ABCA1: variants seen among roughly 807,000 people sequenced by gnomAD.
ABCA1 encodes the protein phospholipid-transporting ATPase ABCA1.
ABCA1 carries 133 observed loss-of-function variants against 262.5 expected under a neutral mutation model. The observed-to-expected ratio is 0.51, with a 90% CI of 0.44 to 0.59. ABCA1 has a LOEUF of 0.59. Among genes scored for constraint, ABCA1 ranks in the 20% least tolerant of loss-of-function variants. The pLI is 0.00. For synonymous variants in ABCA1, 1,022 were observed against 1,043.5 expected (o/e 0.98, Z 0.40); for missense variants, 2,452 against 2,777.5 (o/e 0.88, Z 2.63).
In ABCA1 at chr9:104,894,485, G is replaced by A. The variant is rs141361403; in HGVS notation, c.67-5290C>T. 1.4e-3 allele frequency among the ~76,000 whole-genome samples: 211 copies of A among 152,274 alleles called. 2 individuals carry two copies. The Middle Eastern group carries it at 0.02, about 15-fold the overall frequency. On this transcript the variant is annotated intron_variant, in intron 2 of 49. Coordinates refer to ENST00000374736, the MANE Select transcript of ABCA1 (RefSeq NM_005502.4). ...ATGAAAGGTCTTACTATGTACCAGG[G>A]TTGTGAGTGCTTTATACACATTAAC...
chr9:104,824,084 G>A (rs189077305), intron 18 of ABCA1, among the ~76,000 whole-genome samples: 178 of 152,286 alleles, frequency 1.2e-3, no homozygotes, highest in African/African-American at 4.2e-3. Flanking sequence ...GCCCACACAG[G>A]CTGATACACA....
chr9:104,781,840 G>T lies in ABCA1; in HGVS notation c.*2475C>A, dbSNP rs1828565578. 1 of 152,490 alleles carries T rather than the reference G, an allele frequency of 6.6e-6. No homozygotes were observed. The highest frequency in any genetic ancestry group is 1.5e-5 in the Non-Finnish European group (1 of 67,966). 9.4% of individuals were successfully genotyped at this position (152,490 alleles called of 1,614,324 possible). On this transcript the variant is annotated 3_prime_UTR_variant, in exon 50 of 50. Coordinates refer to ENST00000374736, the MANE Select transcript of ABCA1 (RefSeq NM_005502.4). ...TCCACAGGGAATATACAGAAATTTTGCTTGATTGAGTATAGAGTTGGTAAA... is the reference window on the plus strand; with the variant it reads ...TCCACAGGGAATATACAGAAATTTTTCTTGATTGAGTATAGAGTTGGTAAA...
chr9:104,926,482 A>C (rs1363253019), intron 1 of ABCA1, among the ~76,000 whole-genome samples: 3 of 149,162 alleles, frequency 2.0e-5, no homozygotes, highest in Non-Finnish European at 3.0e-5. Flanking sequence ...AAAAAAAAAA[A>C]ACAAAACGGG....
intron 5 of ABCA1, among the ~76,000 whole-genome samples, chr9:104,862,059 C>CACACACACACACACACACACAT (rs1564196491): frequency 6.7e-6 from 1 of 149,078 alleles, no homozygotes; most frequent in African/African-American, 2.5e-5. Context: ...TACACACACA[C>CACACACACACACACACACACAT]ACACACACAC....
rs1250406679 is a variant in ABCA1, at chr9:104,861,710, T to C, written c.512A>G (p.Lys171Arg). ...NLSLPKSTVD[K>R]MLRADVILHK... ...GAGAATGACATCAGCCCTCAGCATC[T>C]TGTCCACAGTAGACTTTGGGAGAGA... The change falls in exon 6 of 50, where the codon AAG (lysine) becomes AGG (arginine). Residue 171 changes from lysine (K) to arginine (R), a missense_variant. This residue lies in a region of ABCA1 where 1,032 missense variants were observed against 1,089.7 expected (regional missense o/e 0.95). Coordinates refer to ENST00000374736, the MANE Select transcript of ABCA1 (RefSeq NM_005502.4). 1 of 1,614,030 alleles carries C rather than the reference T, an allele frequency of 6.2e-7. No individual in the cohort carries two copies. Among genetic ancestry groups the C allele is most frequent in the Non-Finnish European group, 8.5e-7 (1 of 1,180,054 alleles).
intron 6 of ABCA1, among the ~76,000 whole-genome samples, chr9:104,859,789 G>A (rs1366410638): frequency 6.6e-6 from 1 of 152,176 alleles, no homozygotes; most frequent in Non-Finnish European, 1.5e-5. Context: ...AGTGGGTCAT[G>A]TCTGTAATTC....
intron 25 of ABCA1, 113 bp from the exon 26 acceptor site, chr9:104,814,588 G>T: frequency 9.3e-7 from 1 of 1,076,076 alleles, no homozygotes; most frequent in Non-Finnish European, 1.4e-6. Flanking sequence ...GACAGAGAAA[G>T]TAGAAGCCAC....
chr9:104,862,643 C>CCCCCACCCCCA (rs1836557068), intron 5 of ABCA1, among the ~76,000 whole-genome samples: 11 of 3,492 alleles, frequency 3.2e-3, no homozygotes, highest in Non-Finnish European at 6.9e-3. Flanking sequence ...CCGGGCCGGG[C>CCCCCACCCCCA]CGGGCCGGGC....
intron 13 of ABCA1, among the ~76,000 whole-genome samples, chr9:104,831,315 T>G (rs973632110): frequency 2.0e-5 from 3 of 151,858 alleles, no homozygotes; most frequent in Non-Finnish European, 2.9e-5. Flanking sequence ...CCTCCTGGGT[T>G]CAAGCAATTC....
At chr9:104,841,042 G>T (rs939087380) in intron 8 of ABCA1, among the ~76,000 whole-genome samples, 2 of 152,174 alleles carry the variant, frequency 1.3e-5, no homozygotes, top group Non-Finnish European at 1.5e-5. Flanking sequence ...TGTAGAAATT[G>T]AACAGCCCTC....
chr9:104,841,028 C>CTAGTGTAGAA (rs1454495915), intron 8 of ABCA1, among the ~76,000 whole-genome samples: 1 of 152,170 alleles, frequency 6.6e-6, no homozygotes. Context: ...TCCCCGAACT[C>CTAGTGTAGAA]TAGTGTAGAA....
chr9:104,882,455 G>A (rs1340566516), intron 5 of ABCA1, among the ~76,000 whole-genome samples: 1 of 152,198 alleles, frequency 6.6e-6, no homozygotes, highest in Non-Finnish European at 1.5e-5. Context: ...GCCTCAGTCA[G>A]AAAATGCCCA....
intron 7 of ABCA1, chr9:104,855,646 A>G: frequency 6.9e-7 from 1 of 1,456,104 alleles, no homozygotes; most frequent in Non-Finnish European, 9.1e-7. Context: ...ACCAATAATC[A>G]CAACAAAGAG....
rs150064281 is a variant in ABCA1, at chr9:104,875,407, A to G, written c.421+7632T>C. Among the ~76,000 whole-genome samples the G allele has an allele frequency of 2.2e-3, 332 of 152,006 alleles. 4 individuals are homozygous for G. Among genetic ancestry groups the G allele is most frequent in the East Asian group, 0.02 (105 of 5,154 alleles). On this transcript the variant is annotated intron_variant, in intron 5 of 49. Coordinates refer to ENST00000374736, the MANE Select transcript of ABCA1 (RefSeq NM_005502.4). ...AAGCCAGATTCATGCCATGAACATA[A>G]GGGAAGTGGCAGCTGAGCCACTGAC...
At chr9:104,897,814 G>A (rs1416753519) in intron 2 of ABCA1, among the ~76,000 whole-genome samples, 2 of 152,182 alleles carry the variant, frequency 1.3e-5, no homozygotes, top group Non-Finnish European at 2.9e-5. Context: ...CATTGACCAG[G>A]CTGGTCTCAA....
Position 104,817,169 on chromosome 9 carries a change from C to T in ABCA1, c.3535+163G>A. 1 of 981,824 alleles carries T rather than the reference C, an allele frequency of 1.0e-6. No homozygotes were observed. The highest frequency in any genetic ancestry group is 1.7e-5 in the African/African-American group (1 of 57,246). The allele number at this position is 981,824 out of a possible 1,614,324, so 60.8% of individuals were successfully genotyped here. The stretch of plus-strand genomic sequence containing the variant: ...GGCACCCCAGCAAGCATTAGGCCAA[C>T]CCGCCACCAAGCTGCTCCCACACCC... On this transcript the variant is annotated intron_variant, in intron 24 of 49. Coordinates refer to ENST00000374736, the MANE Select transcript of ABCA1 (RefSeq NM_005502.4). The surrounding 1 kb of genome is among the most constrained non-coding windows in gnomAD (Gnocchi z 4.7).
chr9:104,790,250 T>C (rs1402890939), intron 44 of ABCA1, among the ~76,000 whole-genome samples: 1 of 152,198 alleles, frequency 6.6e-6, no homozygotes, highest in East Asian at 1.9e-4. Context: ...CTCAGTCAAT[T>C]TGTATGCTCT....
intron 44 of ABCA1, among the ~76,000 whole-genome samples, chr9:104,789,055 G>T (rs1037435603): frequency 6.6e-6 from 1 of 152,164 alleles, no homozygotes; most frequent in African/African-American, 2.4e-5. Context: ...GTCAAGTGAA[G>T]AATCACATGT....
Position 104,819,699 on chromosome 9 carries a change from ACAG to A in ABCA1, c.3125_3127del (p.Ser1042_Val1043delinsLeu), listed in dbSNP as rs1191760164. 6.2e-7 allele frequency: 1 copy of A among 1,614,228 alleles called. No homozygotes were observed. The highest frequency in any genetic ancestry group is 8.5e-7 in the Non-Finnish European group (1 of 1,180,038). ...AGATCCCCCGACAAAGGCCAAGGCC[ACAG>A]ATAGCTTTCTCTGCATTCCACCTAC... On this transcript the variant is annotated inframe_deletion, in exon 22 of 50. Coordinates refer to ENST00000374736, the MANE Select transcript of ABCA1 (RefSeq NM_005502.4).
Sources: allele counts gnomAD v4.1 joint callset (sites outside exome capture counted in the v4.1 genomes callset), GRCh38; gene constraint gnomAD v4.1.1; regional missense constraint gnomAD v4.1.1; non-coding constraint Gnocchi (gnomAD v3.1); transcripts MANE v1.5; gene names NCBI Gene and HGNC (gene_info 2026-07-23, HGNC 2026-07-21).